SLC25A26: variants seen among roughly 807,000 people sequenced by gnomAD.
SLC25A26 encodes mitochondrial S-adenosylmethionine carrier protein.
SLC25A26 carries 36 observed loss-of-function variants against 37.8 expected under a neutral mutation model. That is an observed-to-expected ratio of 0.95 (90% confidence interval 0.73 to 1.26). The LOEUF (loss-of-function observed/expected upper bound fraction) is 1.26. Ranked by LOEUF, SLC25A26 falls within the 50% of genes most tolerant of loss-of-function variation. SLC25A26 has a pLI of 0.00. For missense variants in SLC25A26, 390 were observed against 331.1 expected, an observed-to-expected ratio of 1.18 and a Z score of -1.38; for synonymous variants, 129 against 122.5, an observed-to-expected ratio of 1.05 and a Z score of -0.35.
At chr3:66,179,002 T>C (rs1483312040) in intron 1 of SLC25A26, among the ~76,000 whole-genome samples, 1 of 152,126 alleles carries the variant, frequency 6.6e-6, no homozygotes, top group African/African-American at 2.4e-5. Flanking sequence ...GCAAGCAGCA[T>C]AGAGAGGATT....
Position 66,221,476 on chromosome 3 carries a change from T to G in SLC25A26, c.33+349T>G, listed in dbSNP as rs144666112. Among the ~76,000 whole-genome samples the G allele has an allele frequency of 5.9e-3, 896 of 152,326 alleles. 64 individuals are homozygous for G. In the East Asian group the frequency reaches 0.15, roughly 26 times the overall value. On this transcript the variant is annotated intron_variant, in intron 1 of 9. Coordinates refer to ENST00000354883, the MANE Select transcript of SLC25A26 (RefSeq NM_001379210.1). ...ATCTTGGGAATTAAAGAAATGTATGTAACACAACAACAAAAACCTTACTCA... is the reference window on the plus strand; with the variant it reads ...ATCTTGGGAATTAAAGAAATGTATGGAACACAACAACAAAAACCTTACTCA...
chr3:66,189,732 G>A (rs2070900415), intron 1 of SLC25A26, among the ~76,000 whole-genome samples: 1 of 152,098 alleles, frequency 6.6e-6, no homozygotes, highest in African/African-American at 2.4e-5. Context: ...TATGATCATG[G>A]CTCACTGCAG....
At chr3:66,284,292 T>A (rs1029134557) in intron 5 of SLC25A26, among the ~76,000 whole-genome samples, 20 of 152,178 alleles carry the variant, frequency 1.3e-4, no homozygotes, top group African/African-American at 4.8e-4. Context: ...GAGGCTGCAA[T>A]GAGCTTAGAT....
At chr3:66,150,264 A>C (rs1379674304) in intron 1 of SLC25A26, among the ~76,000 whole-genome samples, 1 of 151,730 alleles carries the variant, frequency 6.6e-6, no homozygotes, top group East Asian at 2.0e-4. Context: ...TTGGGAGGCC[A>C]AGGAGGGCAG....
chr3:66,170,016 G>T (rs138423165), intron 1 of SLC25A26, among the ~76,000 whole-genome samples: 1 of 152,246 alleles, frequency 6.6e-6, no homozygotes, highest in Non-Finnish European at 1.5e-5. Flanking sequence ...ACTCTAACCC[G>T]ATTCTGCTCC....
chr3:66,351,973 G>C (rs1042620098), intron 6 of SLC25A26, among the ~76,000 whole-genome samples: 2 of 151,996 alleles, frequency 1.3e-5, no homozygotes, highest in Non-Finnish European at 2.9e-5. Context: ...ATTAGGTCAG[G>C]CACAGTGGCT....
chr3:66,329,802 A>C (rs2075928146), intron 5 of SLC25A26, among the ~76,000 whole-genome samples: 1 of 152,140 alleles, frequency 6.6e-6, no homozygotes, highest in African/African-American at 2.4e-5. Context: ...GCCTCAATCC[A>C]TCCTCCTGCC....
intron 5 of SLC25A26, among the ~76,000 whole-genome samples, chr3:66,332,821 T>G (rs1324326992): frequency 6.6e-6 from 1 of 152,208 alleles, no homozygotes; most frequent in Non-Finnish European, 1.5e-5. Flanking sequence ...CTTGCTGCTC[T>G]TGTCTCTCCT....
chr3:66,227,962 A>T (rs1173752759), intron 1 of SLC25A26, among the ~76,000 whole-genome samples: 1 of 152,180 alleles, frequency 6.6e-6, no homozygotes, highest in Non-Finnish European at 1.5e-5. Flanking sequence ...CCTAGTTTTC[A>T]ATTTGGAGTA....
At chr3:66,282,035 C>T (rs375091062) in intron 5 of SLC25A26, among the ~76,000 whole-genome samples, 64 of 124,210 alleles carry the variant, frequency 5.2e-4, no homozygotes, top group African/African-American at 1.5e-3. Context: ...GACGGAGTCT[C>T]GCTCTGTCGC....
intron 5 of SLC25A26, among the ~76,000 whole-genome samples, chr3:66,315,137 A>T (rs1575552688): frequency 9.3e-6 from 1 of 107,060 alleles, no homozygotes; most frequent in Non-Finnish European, 1.9e-5. Context: ...TTCTGCTCTG[A>T]TCTTGGTTAT....
At chr3:66,327,457 A>G (rs958385379) in intron 5 of SLC25A26, among the ~76,000 whole-genome samples, 1 of 152,296 alleles carries the variant, frequency 6.6e-6, no homozygotes, top group Admixed American at 6.5e-5. Flanking sequence ...CCCACTCATA[A>G]ATATATAATA....
intron 6 of SLC25A26, among the ~76,000 whole-genome samples, chr3:66,350,343 C>G (rs1257569073): frequency 6.6e-6 from 1 of 152,184 alleles, no homozygotes; most frequent in East Asian, 1.9e-4. Context: ...TTCTGTTAAT[C>G]AGTATTCTCC....
intron 1 of SLC25A26, among the ~76,000 whole-genome samples, chr3:66,174,432 T>C (rs548379668): frequency 6.6e-6 from 1 of 152,320 alleles, no homozygotes; most frequent in South Asian, 2.1e-4. Context: ...CACTTATTAA[T>C]ACTCATCATT....
At chr3:66,367,681 TAGACAGAC>T (rs3054005) in intron 7 of SLC25A26, among the ~76,000 whole-genome samples, 89 of 136,752 alleles carry the variant, frequency 6.5e-4, no homozygotes, top group East Asian at 5.3e-3. Flanking sequence ...GATAGATAGA[TAGACAGAC>T]AGACAGACAG....
At chr3:66,271,549 G>C (rs1373003828) in intron 5 of SLC25A26, among the ~76,000 whole-genome samples, 3 of 152,188 alleles carry the variant, frequency 2.0e-5, no homozygotes, top group Non-Finnish European at 4.4e-5. Context: ...TCCTGGGACA[G>C]ATGGTATCTC....
At chr3:66,206,523 A>G (rs1390474746) in intron 1 of SLC25A26, among the ~76,000 whole-genome samples, 4 of 152,170 alleles carry the variant, frequency 2.6e-5, no homozygotes, top group Non-Finnish European at 5.9e-5. Flanking sequence ...GAGCCATGTA[A>G]TGCACAATCT....
chr3:66,371,880 C>T (rs555556479), intron 9 of SLC25A26, among the ~76,000 whole-genome samples: 27 of 152,080 alleles, frequency 1.8e-4, no homozygotes, highest in Admixed American at 1.4e-3. Context: ...GAGGGTCGCT[C>T]GAAGTTAGGA....
intron 5 of SLC25A26, among the ~76,000 whole-genome samples, chr3:66,304,067 A>G (rs995680382): frequency 6.6e-6 from 1 of 152,222 alleles, no homozygotes; most frequent in African/African-American, 2.4e-5. Flanking sequence ...CTTGTTAGGA[A>G]GGGGCTGGTT....
Sources: allele counts gnomAD v4.1 joint callset (sites outside exome capture counted in the v4.1 genomes callset), GRCh38; gene constraint gnomAD v4.1.1; transcripts MANE v1.5; gene names NCBI Gene and HGNC (gene_info 2026-07-23, HGNC 2026-07-21).